The following SMC1A variants were observed in gnomAD, a reference collection of about 807,000 sequenced individuals.
The protein encoded by SMC1A is structural maintenance of chromosomes 1A, also known as structural maintenance of chromosomes protein 1A.
SMC1A carries 4 observed loss-of-function variants against 94.5 expected under a neutral mutation model. The ratio of observed to expected loss-of-function variants is 0.04; its 90% CI spans 0.02 to 0.10. The LOEUF (loss-of-function observed/expected upper bound fraction) is 0.10, where lower values mean the gene tolerates loss of function less well. SMC1A is among the 10% of genes least tolerant of loss of function. SMC1A has a pLI of 1.00. For synonymous variants in SMC1A, 345 were observed against 347.7 expected, an observed-to-expected ratio of 0.99 and a Z score of 0.09; for missense variants, 304 against 989.0, an observed-to-expected ratio of 0.31 and a Z score of 9.29.
chrX:53,391,000 A>G (rs1364203235), intron 19 of SMC1A, among the ~76,000 whole-genome samples: 1 of 99,623 alleles, frequency 1.0e-5, no homozygotes, highest in Non-Finnish European at 2.0e-5. Flanking sequence ...AAAAAAAAGA[A>G]AAAGAAAAAA....
In SMC1A at chrX:53,396,669, C is replaced by T. The variant is rs782760818; in HGVS notation, c.2563-52G>A. 7 of 1,160,741 alleles carry T rather than the reference C, an allele frequency of 6.0e-6. No individual in the cohort carries two copies. The South Asian group carries it at 8.9e-5, about 15-fold the overall frequency. ...ATAGGTGAAGACTTTCCCCATCTTACCCTGGGATATTCTCCTGCTCCCACC... is the reference window on the plus strand; with the variant it reads ...ATAGGTGAAGACTTTCCCCATCTTATCCTGGGATATTCTCCTGCTCCCACC... On this transcript the variant is annotated intron_variant, in intron 16 of 24. Transcript: ENST00000322213.
At chrX:53,397,495 C>A (rs1307045912) in intron 16 of SMC1A, among the ~76,000 whole-genome samples, 1 of 111,245 alleles carries the variant, frequency 9.0e-6, no homozygotes, top group African/African-American at 3.3e-5. Flanking sequence ...GCGGGAGGAT[C>A]ATTTGAGCCT....
intron 1 of SMC1A, chrX:53,421,831 A>T: frequency 3.6e-6 from 4 of 1,096,573 alleles, no homozygotes; most frequent in Non-Finnish European, 3.7e-6. Context: ...AAATTTGGTA[A>T]ATTAGTTAAT....
At chrX:53,419,357 T>G (rs917943120) in intron 1 of SMC1A, among the ~76,000 whole-genome samples, 1 of 108,846 alleles carries the variant, frequency 9.2e-6, no homozygotes, top group Non-Finnish European at 1.9e-5. Flanking sequence ...CAAAATCCCA[T>G]CTCTACAAAA....
At chrX:53,398,021 A>C (rs1195586264) in intron 16 of SMC1A, among the ~76,000 whole-genome samples, 1 of 109,236 alleles carries the variant, frequency 9.2e-6, no homozygotes, top group African/African-American at 3.3e-5. Context: ...CCCCATCTCT[A>C]CTAAAATACA....
At chrX:53,414,590 A>G (rs1407106510) in intron 3 of SMC1A, among the ~76,000 whole-genome samples, 168 bp downstream of exon 3, 3 of 112,139 alleles carry the variant, frequency 2.7e-5, no homozygotes, top group African/African-American at 9.7e-5. Flanking sequence ...GTGTGTCCTC[A>G]TAAGATGAAC....
intron 1 of SMC1A, among the ~76,000 whole-genome samples, chrX:53,418,036 C>A (rs1472421642): frequency 8.9e-6 from 1 of 112,394 alleles, no homozygotes; most frequent in Non-Finnish European, 1.9e-5. Context: ...AAATTGTATA[C>A]CATGTACATG....
intron 19 of SMC1A, among the ~76,000 whole-genome samples, chrX:53,393,565 C>T (rs970895397): frequency 9.0e-6 from 1 of 111,209 alleles, no homozygotes; most frequent in African/African-American, 3.3e-5. Context: ...TTCTCATATT[C>T]TAGAGATACA....
chrX:53,421,784 C>T, intron 1 of SMC1A: 1 of 841,666 alleles, frequency 1.2e-6, no homozygotes, highest in Non-Finnish European at 1.7e-6. Flanking sequence ...CCACAACTTG[C>T]AACTGAATAA....
At chrX:53,421,015 C>A (rs958280312) in intron 1 of SMC1A, among the ~76,000 whole-genome samples, 2 of 111,315 alleles carry the variant, frequency 1.8e-5, no homozygotes, top group Non-Finnish European at 3.8e-5. Flanking sequence ...CCTTGAAGAA[C>A]GGGGGCAAGT....
intron 19 of SMC1A, among the ~76,000 whole-genome samples, chrX:53,390,210 G>A (rs921147859): frequency 4.7e-5 from 5 of 106,465 alleles, no homozygotes; most frequent in Non-Finnish European, 7.8e-5. Flanking sequence ...CGGGGGGGCC[G>A]GGCCCCATGG....
intron 3 of SMC1A, among the ~76,000 whole-genome samples, chrX:53,414,128 G>A (rs2075723690): frequency 9.2e-6 from 1 of 108,140 alleles, no homozygotes; most frequent in South Asian, 3.9e-4. Flanking sequence ...AAAAAACAGA[G>A]AAAAAGTTAT....
intron 4 of SMC1A, 37 bp downstream of exon 4, chrX:53,413,195 T>C: frequency 8.3e-7 from 1 of 1,212,058 alleles, no homozygotes; most frequent in Non-Finnish European, 1.1e-6. Flanking sequence ...GGCTCCATCC[T>C]GGTCCCTCAG....
rs188889709 is a variant in SMC1A at position 53,388,913 on chromosome X, C to T, written c.2974-5660G>A. The stretch of plus-strand genomic sequence containing the variant: ...TTGGGAGGCTGAGGCAGGAGAATGG[C>T]ATGAACCTGGGGGGCGGAGGTTGCA... On this transcript the variant is annotated intron_variant, in intron 19 of 24. Transcript: ENST00000322213. 7.6e-3 allele frequency among the ~76,000 whole-genome samples: 782 copies of T among 102,739 alleles called. 9 individuals carry two copies. The highest frequency in any genetic ancestry group is 0.011 in the Non-Finnish European group (572 of 51,020). The allele number at this position is 102,739 out of a possible 115,157, so 89.2% of individuals were successfully genotyped here.
At chrX:53,403,508 G>T in intron 15 of SMC1A, 58 bp downstream of exon 15, 1 of 936,713 alleles carries the variant, frequency 1.1e-6, no homozygotes, top group Non-Finnish European at 1.5e-6. Context: ...GTTTTCCAAG[G>T]ATGTCAAGCT....
At chrX:53,416,534 G>T (rs189711413) in intron 1 of SMC1A, among the ~76,000 whole-genome samples, 3 of 106,217 alleles carry the variant, frequency 2.8e-5, no homozygotes, top group Non-Finnish European at 5.8e-5. Context: ...GGGATTACAG[G>T]CACACATCAC....
At chrX:53,404,646 A>G (rs1426524206) in intron 13 of SMC1A, among the ~76,000 whole-genome samples, 1 of 110,825 alleles carries the variant, frequency 9.0e-6, no homozygotes, top group East Asian at 2.8e-4. Flanking sequence ...GGCGCCTGCC[A>G]CCACGCCCAG....
rs782210418 is a variant in SMC1A, at chrX:53,378,722, T to C, written c.*1381A>G. On this transcript the variant is annotated 3_prime_UTR_variant, in exon 25 of 25. Coordinates refer to ENST00000322213, the MANE Select transcript of SMC1A (RefSeq NM_006306.4). ...TATACAGATTGGAATTAAAGTGTGA[T>C]GGTGTATGTGAATGAGTAAAGGCTG... 1 of 112,694 alleles carries C rather than the reference T, an allele frequency of 8.9e-6. No homozygotes were observed. Among genetic ancestry groups the C allele is most frequent in the Non-Finnish European group, 1.9e-5 (1 of 53,349 alleles). The allele number at this position is 112,694 out of a possible 1,213,427, so 9.3% of individuals were successfully genotyped here.
chrX:53,412,930 C>T lies in SMC1A; in HGVS notation c.824G>A (p.Arg275Gln). The T allele has an allele frequency of 1.7e-6, 2 of 1,198,813 alleles. No homozygotes were observed. The highest frequency in any genetic ancestry group is 1.8e-5 in the South Asian group (1 of 56,553). Residue 275 changes from arginine (R) to glutamine (Q), a missense_variant, in exon 5 of 25, where the codon CGG becomes CAG. Arg to Gln is a conservative substitution (Grantham distance 43). Transcript: ENST00000322213. ...EKKKELGKMMREQQQIEKEIK... is the reference protein window; with the variant it reads ...EKKKELGKMMQEQQQIEKEIK... ...CTCCTTCTCAATCTGCTGCTGCTCC[C>T]GCATCATTTTGCCCAGCTCCTTCTT...
Sources: gnomAD v4.1 joint callset for allele counts (sites outside exome capture counted in the v4.1 genomes callset) on GRCh38, gnomAD v4.1.1 for gene constraint, MANE v1.5 for transcripts, NCBI Gene and HGNC (gene_info 2026-07-23, HGNC 2026-07-21) for gene names.